Variants in SYPL2 observed in about 807,000 individuals in gnomAD.
The protein encoded by SYPL2 is synaptophysin like 2.
Under a neutral mutation model 31.3 loss-of-function variants are expected in SYPL2, and 24 were observed. The ratio of observed to expected loss-of-function variants is 0.77; its 90% CI spans 0.56 to 1.08. SYPL2 has a LOEUF of 1.08. SYPL2 is among the 50% of genes least tolerant of loss of function. The probability of loss-of-function intolerance (pLI) is 0.00; values close to 1 mark genes in which losing one functional copy is unlikely to be tolerated. For missense variants in SYPL2, 342 were observed against 360.1 expected (o/e 0.95, Z 0.41); for synonymous variants, 144 against 143.1 (o/e 1.01, Z -0.05).
In SYPL2 at chr1:109,476,790, A is replaced by C. The variant is rs1656010587; in HGVS notation, c.269A>C (p.Gln90Pro). ...GCCACCTGCAGGTTGCACCGGATCC[A>C]ATATGAGATGCCCCTCTGCGATGAA... is the stretch of plus-strand genomic sequence containing the variant. The part of the protein sequence containing the change: ...FGYPFRLHRI[Q>P]YEMPLCDEES... The change falls in exon 4 of 6, where the codon CAA (glutamine) becomes CCA (proline). Residue 90 changes from glutamine to proline, a missense_variant. Coordinates refer to ENST00000369872, the MANE Select transcript of SYPL2 (RefSeq NM_001040709.2). 6.2e-7 allele frequency: 1 copy of C among 1,614,132 alleles called. No homozygotes were observed. Among genetic ancestry groups the C allele is most frequent in the Non-Finnish European group, 8.5e-7 (1 of 1,180,026 alleles).
chr1:109,479,552 GC>G lies in SYPL2; in HGVS notation c.*10del. 2 of 1,611,486 alleles carry G rather than the reference GC, an allele frequency of 1.2e-6. No individual in the cohort carries two copies. Among genetic ancestry groups the G allele is most frequent in the Middle Eastern group, 1.7e-4 (1 of 5,766 alleles). On this transcript the variant is annotated 3_prime_UTR_variant, in exon 6 of 6. Coordinates refer to ENST00000369872, the MANE Select transcript of SYPL2 (RefSeq NM_001040709.2). ...GGGAGCAGTGGAGAAGCAGTAAGCA[GC>G]CCCCCACCTGGCTATTCCCGAACTG...
At chr1:109,469,715 C>T (rs1209892670) in intron 2 of SYPL2, among the ~76,000 whole-genome samples, 2 of 149,292 alleles carry the variant, frequency 1.3e-5, no homozygotes, top group African/African-American at 2.5e-5. Flanking sequence ...ATGACACATG[C>T]TTGTGGTCCC....
intron 2 of SYPL2, among the ~76,000 whole-genome samples, chr1:109,469,772 C>T (rs1192422422): frequency 9.4e-5 from 12 of 127,808 alleles, no homozygotes; most frequent in Admixed American, 1.9e-4. Flanking sequence ...CCCAGGAGGT[C>T]GAGGCTGCAA....
Position 109,478,010 on chromosome 1 carries a change from G to C in SYPL2, c.648+1G>C. ...TATGGGCCTGGCCAACATCTCCGTG[G>C]TGAGACCTGTGGCCACTGCAGGAAG... is the stretch of plus-strand genomic sequence containing the variant. On this transcript the variant is annotated splice_donor_variant, in intron 5 of 5. Coordinates refer to ENST00000369872, the MANE Select transcript of SYPL2 (RefSeq NM_001040709.2). LOFTEE classifies it high-confidence loss of function. The surrounding 1 kb of genome is among the most constrained non-coding windows in gnomAD (Gnocchi z 4.0). The C allele has an allele frequency of 2.5e-6, 4 of 1,613,938 alleles. No individual in the cohort carries two copies. Among genetic ancestry groups the C allele is most frequent in the Non-Finnish European group, 3.4e-6 (4 of 1,179,986 alleles).
chr1:109,472,868 G>C (rs948493292), intron 2 of SYPL2, among the ~76,000 whole-genome samples: 1 of 151,756 alleles, frequency 6.6e-6, no homozygotes, highest in Non-Finnish European at 1.5e-5. Context: ...CCATTCTCCT[G>C]CTTGGCCTCC....
At chr1:109,479,202 A>T (rs1341990946) in intron 5 of SYPL2, among the ~76,000 whole-genome samples, 176 bp from the exon 6 acceptor site, 1 of 152,212 alleles carries the variant, frequency 6.6e-6, no homozygotes, top group Non-Finnish European at 1.5e-5. Context: ...GGATTCCCCT[A>T]AACAGTTGAT....
rs201865079 is a variant in SYPL2, at chr1:109,479,469, A to G, written c.740A>G (p.Asp247Gly). The stretch of plus-strand genomic sequence containing the variant: ...TGGCATGGACAGGGCCAGGGCCAGG[A>G]CCAGGACCAGGACCAGGACCAGGGC... Reference protein sequence around the residue: ...TPWHGQGQGQDQDQDQDQGQG... With the variant: ...TPWHGQGQGQGQDQDQDQGQG... The change falls in exon 6 of 6, where the codon GAC becomes GGC. Residue 247 changes from aspartate to glycine, a missense_variant. Coordinates refer to ENST00000369872, the MANE Select transcript of SYPL2 (RefSeq NM_001040709.2). The G allele has an allele frequency of 3.1e-4, 492 of 1,586,350 alleles. 11 individuals carry two copies. The South Asian group carries it at 5.1e-3, about 17-fold the overall frequency.
At chr1:109,476,693 C>A in intron 3 of SYPL2, 83 bp from the exon 4 acceptor site, 1 of 1,415,752 alleles carries the variant, frequency 7.1e-7, no homozygotes, top group Non-Finnish European at 9.7e-7. Flanking sequence ...GAGTCCCCTG[C>A]TGAGAACTAG....
chr1:109,477,080 C>A, intron 4 of SYPL2, 103 bp downstream of exon 4: 3 of 1,373,846 alleles, frequency 2.2e-6, no homozygotes, highest in Admixed American at 3.9e-5. Context: ...GCTTCCACCC[C>A]CATGGTGGAA....
intron 4 of SYPL2, 45 bp from the exon 5 acceptor site, chr1:109,477,773 A>C (rs1178584742): frequency 6.5e-7 from 1 of 1,549,584 alleles, no homozygotes; most frequent in Non-Finnish European, 8.7e-7. Context: ...CAAGGGAATC[A>C]TGGGGCCTTT....
intron 2 of SYPL2, among the ~76,000 whole-genome samples, chr1:109,474,077 A>G (rs989703263): frequency 1.1e-4 from 16 of 152,178 alleles, no homozygotes; most frequent in South Asian, 2.1e-4. Flanking sequence ...CTTCTATTCT[A>G]GACTCTGGAT....
intron 2 of SYPL2, among the ~76,000 whole-genome samples, chr1:109,471,334 G>A (rs999548808): frequency 6.6e-6 from 1 of 152,140 alleles, no homozygotes; most frequent in Non-Finnish European, 1.5e-5. Context: ...AAAAATCATC[G>A]TGTAAGATCC....
intron 2 of SYPL2, 121 bp from the exon 3 acceptor site, chr1:109,475,460 G>C (rs1366368885): frequency 1.8e-5 from 24 of 1,354,756 alleles, no homozygotes; most frequent in Non-Finnish European, 2.3e-5. Context: ...TTGATTAAAG[G>C]GGATCCTCAC....
chr1:109,466,879 C>T lies in SYPL2; in HGVS notation c.36C>T (p.Asp12=). ...SSTESAGRTA[D]KSPRQQVDRL... ...CCGAGAGCGCCGGCCGCACGGCGGA[C>T]AAGTCGCCGCGCCAGCAGGTAGTCC... Residue 12 remains aspartate, a synonymous_variant, in exon 1 of 6, where the codon GAC becomes GAT. Transcript: ENST00000369872. The T allele has an allele frequency of 6.5e-7, 1 of 1,529,744 alleles. No homozygotes were observed. 94.8% of individuals were successfully genotyped at this position (1,529,744 alleles called of 1,614,324 possible). A position where few individuals can be genotyped will look rare whatever the true frequency, so the allele number is the denominator to read the frequency against.
In SYPL2 at chr1:109,470,336, G is replaced by A. The variant is rs947545707; in HGVS notation, c.129+3203G>A. On this transcript the variant is annotated intron_variant, in intron 2 of 5. Coordinates refer to ENST00000369872, the MANE Select transcript of SYPL2 (RefSeq NM_001040709.2). ...GATAAGCGTGGGAGTAGGACCTGGG[G>A]AGAGAATTTGTCTTCCTTGTGCTCT... 5.9e-5 allele frequency among the ~76,000 whole-genome samples: 9 copies of A among 152,218 alleles called. No individual in the cohort carries two copies. The East Asian group carries it at 1.7e-3, about 29-fold the overall frequency.
At chr1:109,473,812 G>A (rs1174705315) in intron 2 of SYPL2, among the ~76,000 whole-genome samples, 1 of 151,664 alleles carries the variant, frequency 6.6e-6, no homozygotes, top group Non-Finnish European at 1.5e-5. Context: ...GGAGAATGGT[G>A]TGAACGCAGG....
chr1:109,470,575 A>G (rs921700497), intron 2 of SYPL2, among the ~76,000 whole-genome samples: 1 of 152,230 alleles, frequency 6.6e-6, no homozygotes. Context: ...CCAGAATGCT[A>G]GAACTCCCCC....
rs745896634 is a variant in SYPL2, at chr1:109,478,523, A to T, written c.648+514A>T. Among the ~76,000 whole-genome samples, 1 of 152,196 alleles carries T rather than the reference A, an allele frequency of 6.6e-6. No individual in the cohort carries two copies. The highest frequency in any genetic ancestry group is 1.5e-5 in the Non-Finnish European group (1 of 68,020). On this transcript the variant is annotated intron_variant, in intron 5 of 5. Transcript: ENST00000369872. This position sits in a 1 kb window ranked among gnomAD's most constrained non-coding sequence, Gnocchi z 4.0. ...TGTTAGAATGTTGAAATATGTCCAT[A>T]TCCATTGGTAAAGAGCTGAGGTCTT...
At position 109,466,591 on chromosome 1, in the gene SYPL2, C is replaced by T. The variant is rs2100996575; in HGVS notation, c.-253C>T. ...TGCGAGTTTGACAGAAGTTTGAATC[C>T]GAGTCGGGGGCTTTCTGCTGCCGGC... On this transcript the variant is annotated 5_prime_UTR_variant, in exon 1 of 6. Coordinates refer to ENST00000369872, the MANE Select transcript of SYPL2 (RefSeq NM_001040709.2). 2 of 401,720 alleles carry T rather than the reference C, an allele frequency of 5.0e-6. No individual in the cohort carries two copies. The allele number at this position is 401,720 out of a possible 1,614,324, so 24.9% of individuals were successfully genotyped here.
Sources: allele counts gnomAD v4.1 joint callset (sites outside exome capture counted in the v4.1 genomes callset), GRCh38; gene constraint gnomAD v4.1.1; non-coding constraint Gnocchi (gnomAD v3.1); transcripts MANE v1.5; gene names NCBI Gene and HGNC (gene_info 2026-07-23, HGNC 2026-07-21).